Variants in NECAB1 observed in about 807,000 individuals in gnomAD.
The protein encoded by NECAB1 is N-terminal EF-hand calcium binding protein 1.
A neutral mutation model predicts 57.5 loss-of-function variants in NECAB1; 29 were observed. The observed-to-expected ratio is 0.50, with a 90% CI of 0.38 to 0.69. NECAB1 has a LOEUF of 0.69. Ranked by LOEUF, NECAB1 falls within the 30% of genes least tolerant of loss-of-function variation. The pLI is 0.00. For synonymous variants in NECAB1, 142 were observed against 147.7 expected, an observed-to-expected ratio of 0.96 and a Z score of 0.28; for missense variants, 372 against 413.8, an observed-to-expected ratio of 0.90 and a Z score of 0.88.
At chr8:90,909,971 C>G (rs1338599732) in intron 5 of NECAB1, among the ~76,000 whole-genome samples, 3 of 151,962 alleles carry the variant, frequency 2.0e-5, no homozygotes, top group Non-Finnish European at 2.9e-5. Flanking sequence ...TTTGTCACTT[C>G]CTCTCAAATC....
At chr8:90,819,058 A>G (rs1812103404) in intron 2 of NECAB1, among the ~76,000 whole-genome samples, 1 of 151,886 alleles carries the variant, frequency 6.6e-6, no homozygotes, top group South Asian at 2.1e-4. Flanking sequence ...AAGTTCTTTC[A>G]TTCTTTCTTC....
At chr8:90,870,155 T>TA (rs1808596817) in intron 3 of NECAB1, among the ~76,000 whole-genome samples, 1 of 152,060 alleles carries the variant, frequency 6.6e-6, no homozygotes, top group African/African-American at 2.4e-5. Flanking sequence ...GTTTCCTGAG[T>TA]CCTCCCCAGC....
At chr8:90,796,898 G>A (rs896377081) in intron 1 of NECAB1, among the ~76,000 whole-genome samples, 1 of 152,180 alleles carries the variant, frequency 6.6e-6, no homozygotes, top group African/African-American at 2.4e-5. Flanking sequence ...GAGGCTAAAT[G>A]CTACTTGAGA....
intron 5 of NECAB1, among the ~76,000 whole-genome samples, chr8:90,911,598 T>C (rs1809832619): frequency 6.6e-6 from 1 of 152,152 alleles, no homozygotes; most frequent in African/African-American, 2.4e-5. Flanking sequence ...AGTATGTATA[T>C]AAAAGGTGTA....
At chr8:90,941,550 T>C (rs1230341435) in intron 10 of NECAB1, among the ~76,000 whole-genome samples, 1 of 152,206 alleles carries the variant, frequency 6.6e-6, no homozygotes, top group Admixed American at 6.5e-5. Flanking sequence ...TGGAAACAGT[T>C]ATCATAGAAT....
rs148656990 is a variant in NECAB1, at chr8:90,831,967, G to A, written c.233+7142G>A. Reference sequence around the variant, plus strand: ...AGGTGTGCTTTTTACCACATTTTTAGAGGCTGAAAATTGAAGTCTTACACT... The same window carrying A: ...AGGTGTGCTTTTTACCACATTTTTAAAGGCTGAAAATTGAAGTCTTACACT... On this transcript the variant is annotated intron_variant, in intron 3 of 12. Coordinates refer to ENST00000417640, the MANE Select transcript of NECAB1 (RefSeq NM_022351.5). Among the ~76,000 whole-genome samples the A allele has an allele frequency of 2.6e-5, 4 of 152,174 alleles. No homozygotes were observed. In the East Asian group the frequency reaches 7.7e-4, roughly 29 times the overall value.
chr8:90,929,793 A>C (rs907884636), intron 8 of NECAB1, among the ~76,000 whole-genome samples: 3 of 151,938 alleles, frequency 2.0e-5, no homozygotes, highest in South Asian at 2.1e-4. Context: ...GTAAAATTTC[A>C]GTAGAGGATA....
chr8:90,818,626 T>A (rs527825398), intron 2 of NECAB1, among the ~76,000 whole-genome samples: 1 of 152,134 alleles, frequency 6.6e-6, no homozygotes, highest in African/African-American at 2.4e-5. Context: ...ATAGCAGAGA[T>A]GCTTGTTGTT....
intron 5 of NECAB1, among the ~76,000 whole-genome samples, chr8:90,882,646 T>C (rs1010495896): frequency 6.6e-6 from 1 of 152,044 alleles, no homozygotes; most frequent in Non-Finnish European, 1.5e-5. Flanking sequence ...GACCACTCTA[T>C]CTAAAAAAAA....
intron 3 of NECAB1, among the ~76,000 whole-genome samples, chr8:90,858,168 T>G (rs889833765): frequency 6.6e-6 from 1 of 152,210 alleles, no homozygotes; most frequent in African/African-American, 2.4e-5. Flanking sequence ...TAACCACTAC[T>G]GCTCTGTAGC....
At chr8:90,953,173 A>G (rs868529687) in intron 12 of NECAB1, among the ~76,000 whole-genome samples, 1 of 152,210 alleles carries the variant, frequency 6.6e-6, no homozygotes, top group African/African-American at 2.4e-5. Context: ...GGACAGAAAC[A>G]ACCTGATCAA....
chr8:90,889,038 A>T (rs547516548), intron 5 of NECAB1, among the ~76,000 whole-genome samples: 2 of 152,316 alleles, frequency 1.3e-5, no homozygotes, highest in South Asian at 2.1e-4. Flanking sequence ...AGATGTTTTC[A>T]TCAGTTGTAC....
At chr8:90,926,606 T>C (rs1211879950) in intron 7 of NECAB1, among the ~76,000 whole-genome samples, 1 of 152,206 alleles carries the variant, frequency 6.6e-6, no homozygotes, top group East Asian at 1.9e-4. Flanking sequence ...GCAATTTCAG[T>C]TGGATGTGGT....
intron 5 of NECAB1, among the ~76,000 whole-genome samples, chr8:90,889,697 C>T (rs1409653904): frequency 6.6e-6 from 1 of 152,194 alleles, no homozygotes; most frequent in East Asian, 1.9e-4. Context: ...TGGGCCTCTC[C>T]ATAGGGCTGC....
At chr8:90,806,997 A>C (rs1488464360) in intron 2 of NECAB1, among the ~76,000 whole-genome samples, 1 of 151,994 alleles carries the variant, frequency 6.6e-6, no homozygotes, top group African/African-American at 2.4e-5. Flanking sequence ...ATTTTTTTTC[A>C]CTTTGTTGTA....
At chr8:90,953,660 G>C (rs1448747704) in intron 12 of NECAB1, among the ~76,000 whole-genome samples, 1 of 152,112 alleles carries the variant, frequency 6.6e-6, no homozygotes, top group Non-Finnish European at 1.5e-5. Flanking sequence ...ATTCCAGTAA[G>C]CAGAAGCTAG....
chr8:90,903,742 T>G (rs1329087163), intron 5 of NECAB1: 1 of 152,200 alleles, frequency 6.6e-6, no homozygotes, highest in African/African-American at 2.4e-5. Context: ...TTTACATTTC[T>G]GAAATGTATC....
chr8:90,814,703 TG>T (rs1812028082), intron 2 of NECAB1, among the ~76,000 whole-genome samples: 2 of 152,090 alleles, frequency 1.3e-5, no homozygotes, highest in Admixed American at 1.3e-4. Context: ...CTCATAATTA[TG>T]GGTGGGGAGT....
intron 6 of NECAB1, among the ~76,000 whole-genome samples, chr8:90,922,772 C>T (rs1286007903): frequency 2.6e-5 from 4 of 151,998 alleles, no homozygotes; most frequent in Non-Finnish European, 2.9e-5. Flanking sequence ...GGATTATAGG[C>T]GTGAGCCACC....
Sources: gnomAD v4.1 joint callset for allele counts (sites outside exome capture counted in the v4.1 genomes callset) on GRCh38, gnomAD v4.1.1 for gene constraint, MANE v1.5 for transcripts, NCBI Gene and HGNC (gene_info 2026-07-23, HGNC 2026-07-21) for gene names.